The following HEMK2 variants were observed in gnomAD, a reference collection of about 807,000 sequenced individuals.
HEMK2 encodes the protein methyltransferase HEMK2.
chr21:28,877,146 GAGAGAGAA>G, the HEMK2 span, among the ~76,000 whole-genome samples: 1 of 124,560 alleles, frequency 8.0e-6, no homozygotes, highest in Admixed American at 8.6e-5. Context: ...AGAGAAGAGA[GAGAGAGAA>G]AGAAAGAGAA....
At chr21:28,811,802 G>C in the HEMK2 span, among the ~76,000 whole-genome samples, 6 of 152,154 alleles carry the variant, frequency 3.9e-5, no homozygotes, top group Non-Finnish European at 7.3e-5. Flanking sequence ...TGAATAAATG[G>C]AACGGTAAGA....
chr21:28,885,335 T>A, the HEMK2 span: 23 of 1,576,124 alleles, frequency 1.5e-5, no homozygotes, highest in Non-Finnish European at 1.7e-5. Flanking sequence ...AGCGAAGTTC[T>A]CCCCTGCCAT....
chr21:28,589,755 A>G, the HEMK2 span, among the ~76,000 whole-genome samples: 6 of 152,186 alleles, frequency 3.9e-5, no homozygotes. Flanking sequence ...ATATTTTTAG[A>G]TATGTATGTA....
At chr21:28,831,518 A>AGAAAGAAAGAAAGAAGGAAAGAAG in the HEMK2 span, among the ~76,000 whole-genome samples, 3 of 76,722 alleles carry the variant, frequency 3.9e-5, no homozygotes, top group African/African-American at 7.9e-5. Flanking sequence ...AAAGAAAGAA[A>AGAAAGAAAGAAAGAAGGAAAGAAG]GAAAGAAGGA....
the HEMK2 span, among the ~76,000 whole-genome samples, chr21:28,660,024 G>C: frequency 6.6e-6 from 1 of 151,862 alleles, no homozygotes; most frequent in Non-Finnish European, 1.5e-5. Context: ...TAGAGGTTTT[G>C]CACAACTTTT....
chr21:28,881,024 A>G, the HEMK2 span, among the ~76,000 whole-genome samples: 1 of 150,944 alleles, frequency 6.6e-6, no homozygotes, highest in South Asian at 2.1e-4. Flanking sequence ...TTTGCCTTTC[A>G]TATGTCTACC....
the HEMK2 span, among the ~76,000 whole-genome samples, chr21:28,681,751 T>C: frequency 6.6e-6 from 1 of 150,832 alleles, no homozygotes; most frequent in Non-Finnish European, 1.5e-5. Flanking sequence ...ATGCCGCATA[T>C]TTACAACTAT....
the HEMK2 span, among the ~76,000 whole-genome samples, chr21:28,884,520 CTTCT>C: frequency 6.4e-4 from 98 of 152,284 alleles, no homozygotes; most frequent in Middle Eastern, 3.4e-3. Flanking sequence ...GTATTCATTC[CTTCT>C]GCTATTAATT....
chr21:28,712,370 CA>C, the HEMK2 span, among the ~76,000 whole-genome samples: 1 of 152,166 alleles, frequency 6.6e-6, no homozygotes, highest in African/African-American at 2.4e-5. Flanking sequence ...GAAGAAGAGG[CA>C]AAATAAGTTG....
At chr21:28,815,354 C>T in the HEMK2 span, among the ~76,000 whole-genome samples, 13,448 of 151,322 alleles carry the variant, frequency 0.089, 880 homozygotes, top group East Asian at 0.3. Context: ...TGCACATGTA[C>T]CCTAAAACTT....
At chr21:28,730,148 C>T in the HEMK2 span, among the ~76,000 whole-genome samples, 4 of 151,918 alleles carry the variant, frequency 2.6e-5, no homozygotes, top group East Asian at 3.9e-4. Flanking sequence ...GATGCAAAGG[C>T]GGGAGGATCA....
At chr21:28,596,940 T>C in the HEMK2 span, among the ~76,000 whole-genome samples, 1 of 152,252 alleles carries the variant, frequency 6.6e-6, no homozygotes. Context: ...ATACACATTA[T>C]TTTTTAAAGA....
At chr21:28,626,910 T>C in the HEMK2 span, among the ~76,000 whole-genome samples, 12 of 152,242 alleles carry the variant, frequency 7.9e-5, no homozygotes, top group East Asian at 2.1e-3. Flanking sequence ...AAATAAAAAT[T>C]TGTATTCACA....
chr21:28,638,096 A>G, the HEMK2 span, among the ~76,000 whole-genome samples: 1 of 152,216 alleles, frequency 6.6e-6, no homozygotes, highest in South Asian at 2.1e-4. Context: ...CCTGCTAAGC[A>G]GAGGGAACAC....
At chr21:28,737,122 T>C in the HEMK2 span, among the ~76,000 whole-genome samples, 1 of 152,126 alleles carries the variant, frequency 6.6e-6, no homozygotes, top group Admixed American at 6.5e-5. Flanking sequence ...GGTTGGTTGG[T>C]TGGTTAATTG....
At chr21:28,701,559 T>TACACACAC in the HEMK2 span, among the ~76,000 whole-genome samples, 6 of 45,782 alleles carry the variant, frequency 1.3e-4, no homozygotes, top group South Asian at 6.1e-4. Context: ...CACACACACA[T>TACACACAC]ACACACACAC....
the HEMK2 span, among the ~76,000 whole-genome samples, chr21:28,689,442 T>C: frequency 3.0e-4 from 46 of 152,326 alleles, no homozygotes; most frequent in African/African-American, 1.1e-3. Context: ...AAAAGAAGGT[T>C]AAGTACCTTT....
the HEMK2 span, among the ~76,000 whole-genome samples, chr21:28,826,024 AAG>A: frequency 2.0e-5 from 3 of 152,224 alleles, no homozygotes; most frequent in Non-Finnish European, 4.4e-5. Flanking sequence ...GAGAGGATAA[AAG>A]GGCACCCAGA....
chr21:28,821,166 T>C, the HEMK2 span, among the ~76,000 whole-genome samples: 3 of 152,182 alleles, frequency 2.0e-5, no homozygotes, highest in African/African-American at 7.2e-5. Context: ...CCTGCCAACC[T>C]TCCACTCCAC....
Sources: gnomAD v4.1 joint callset for allele counts (sites outside exome capture counted in the v4.1 genomes callset) on GRCh38, gnomAD v4.1.1 for gene constraint, MANE v1.5 for transcripts, NCBI Gene and HGNC (gene_info 2026-07-23, HGNC 2026-07-21) for gene names.